Variants in ALDH1A2 observed in about 807,000 individuals in gnomAD.
ALDH1A2 encodes the protein retinal dehydrogenase 2.
A neutral mutation model predicts 60.3 loss-of-function variants in ALDH1A2; 27 were observed. That is an observed-to-expected ratio of 0.45 (90% CI 0.33 to 0.62). The LOEUF (loss-of-function observed/expected upper bound fraction) is 0.62, where lower values mean the gene tolerates loss of function less well. Among genes scored for constraint, ALDH1A2 ranks in the 20% least tolerant of loss-of-function variants. The pLI, the probability that ALDH1A2 is intolerant of heterozygous loss-of-function variation, is 0.02. For synonymous variants in ALDH1A2, 289 were observed against 232.4 expected (o/e 1.24, Z -2.21); for missense variants, 581 against 643.8 (o/e 0.90, Z 1.06).
intron 7 of ALDH1A2, among the ~76,000 whole-genome samples, chr15:57,966,144 A>T (rs4646619): frequency 2.0e-5 from 3 of 152,046 alleles, no homozygotes; most frequent in Non-Finnish European, 4.4e-5. Context: ...GGAGATTTCA[A>T]TCACTGCATT....
chr15:58,052,233 G>A (rs1451488771), intron 1 of ALDH1A2, among the ~76,000 whole-genome samples: 5 of 151,882 alleles, frequency 3.3e-5, no homozygotes, highest in South Asian at 2.1e-4. Context: ...GCAAATTTTC[G>A]GCCCTAAAAA....
chr15:58,065,624 G>C lies in ALDH1A2; in HGVS notation c.27C>G (p.Pro9=), dbSNP rs35068868. ...CGGCGGGGTCGGCCTTCACCTCGCC[G>C]GGCATCTCTATCTTGCTGGAAGTCA... The part of the protein sequence containing the change: MTSSKIEM[P]GEVKADPAAL... Residue 9 remains proline (P), a synonymous_variant, in exon 1 of 13, where the codon CCC becomes CCG. Coordinates refer to ENST00000249750, the MANE Select transcript of ALDH1A2 (RefSeq NM_003888.4). The C allele has an allele frequency of 3.1e-6, 5 of 1,606,132 alleles. No individual in the cohort carries two copies. Among genetic ancestry groups the C allele is most frequent in the East Asian group, 4.5e-5 (2 of 44,718 alleles).
chr15:58,058,000 G>C (rs1421509916), intron 1 of ALDH1A2: 2 of 1,390,334 alleles, frequency 1.4e-6, no homozygotes, highest in Non-Finnish European at 1.9e-6. Context: ...ACATAGATGA[G>C]GCAGAATTCA....
chr15:58,026,775 C>T (rs1408960665), intron 1 of ALDH1A2, among the ~76,000 whole-genome samples: 1 of 152,204 alleles, frequency 6.6e-6, no homozygotes, highest in Non-Finnish European at 1.5e-5. Context: ...GCTAGTGCAG[C>T]AGTCTGAGAT....
intron 10 of ALDH1A2, among the ~76,000 whole-genome samples, chr15:57,961,636 C>T (rs1284833740): frequency 6.6e-6 from 1 of 152,136 alleles, no homozygotes; most frequent in Non-Finnish European, 1.5e-5. Context: ...CTGATTTGCT[C>T]CTTGTCCCTC....
At chr15:57,980,378 T>C (rs1838465718) in intron 7 of ALDH1A2, 1 of 370,734 alleles carries the variant, frequency 2.7e-6, no homozygotes, top group South Asian at 2.6e-5. Flanking sequence ...CTTGATGAAG[T>C]TGGAGAGGTT....
chr15:57,977,096 GTTTT>G (rs35805904), intron 7 of ALDH1A2, among the ~76,000 whole-genome samples: 20 of 145,664 alleles, frequency 1.4e-4, no homozygotes, highest in Middle Eastern at 3.5e-3. Flanking sequence ...ACTTTTCGAT[GTTTT>G]TTTTTTTTTC....
intron 1 of ALDH1A2, among the ~76,000 whole-genome samples, chr15:58,060,693 A>G (rs1897013049): frequency 6.6e-6 from 1 of 152,168 alleles, no homozygotes; most frequent in Non-Finnish European, 1.5e-5. Flanking sequence ...CTCTGCCATT[A>G]TAGTCAGAAA....
At chr15:57,985,021 C>A (rs1894649360) in intron 7 of ALDH1A2, among the ~76,000 whole-genome samples, 1 of 152,052 alleles carries the variant, frequency 6.6e-6, no homozygotes, top group South Asian at 2.1e-4. Flanking sequence ...ATTTTGTTTG[C>A]TACTATTTTG....
At chr15:57,982,969 C>T (rs1894566030) in intron 7 of ALDH1A2, among the ~76,000 whole-genome samples, 1 of 152,092 alleles carries the variant, frequency 6.6e-6, no homozygotes, top group Non-Finnish European at 1.5e-5. Context: ...CTCAACATGT[C>T]CCATCTGGTA....
chr15:58,018,055 G>A (rs960989419), intron 1 of ALDH1A2, among the ~76,000 whole-genome samples: 4 of 152,144 alleles, frequency 2.6e-5, no homozygotes, highest in African/African-American at 9.7e-5. Flanking sequence ...TTTGAATCCT[G>A]TCCATAGCAT....
At chr15:57,988,900 G>GGCTC (rs1489073008) in intron 7 of ALDH1A2, among the ~76,000 whole-genome samples, 1 of 152,032 alleles carries the variant, frequency 6.6e-6, no homozygotes, top group East Asian at 1.9e-4. Flanking sequence ...CGGGCGCAGT[G>GGCTC]GCTCACACCT....
At position 58,007,626 on chromosome 15, in the gene ALDH1A2, T is replaced by G. The variant is rs570793209; in HGVS notation, c.493+3023A>C. 2.6e-5 allele frequency among the ~76,000 whole-genome samples: 4 copies of G among 152,208 alleles called. No homozygotes were observed. In the South Asian group the frequency reaches 8.3e-4, roughly 32 times the overall value. ...GATCACACACAGAATCACATAGATA[T>G]TGTACATAAAAGAATATTTTATACT... On this transcript the variant is annotated intron_variant, in intron 4 of 12. Coordinates refer to ENST00000249750, the MANE Select transcript of ALDH1A2 (RefSeq NM_003888.4).
intron 1 of ALDH1A2, among the ~76,000 whole-genome samples, chr15:58,060,896 G>A (rs1261837123): frequency 1.3e-5 from 2 of 152,154 alleles, no homozygotes; most frequent in Admixed American, 1.3e-4. Context: ...ATAACTCTGG[G>A]TGATGGGACT....
At chr15:57,978,222 A>G (rs2140470581) in intron 7 of ALDH1A2, among the ~76,000 whole-genome samples, 2 of 152,298 alleles carry the variant, frequency 1.3e-5, no homozygotes, top group South Asian at 2.1e-4. Flanking sequence ...AGAACTTCCA[A>G]TACTATGCTG....
Position 57,963,833 on chromosome 15 carries a change from C to T in ALDH1A2, c.1086+52G>A. 30 of 1,597,300 alleles carry T rather than the reference C, an allele frequency of 1.9e-5. No individual in the cohort carries two copies. In the South Asian group the frequency reaches 3.2e-4, roughly 17 times the overall value. On this transcript the variant is annotated intron_variant, in intron 9 of 12. Transcript: ENST00000249750. Reference sequence around the variant, plus strand: ...GGGACCTACTACAGTGTACACAGTTCTGTGCCAGTCAAGGATTAAGTAAAC... The same window carrying T: ...GGGACCTACTACAGTGTACACAGTTTTGTGCCAGTCAAGGATTAAGTAAAC...
Position 57,954,939 on chromosome 15 carries a change from C to G in ALDH1A2, c.*258G>C, listed in dbSNP as rs1043172178. ...CTCCAGAAGGAGATACTGGATGTGT[C>G]TGCTAGCTCCTCCTCCTCCCTTTAT... is the stretch of plus-strand genomic sequence containing the variant. On this transcript the variant is annotated 3_prime_UTR_variant, in exon 13 of 13. Transcript: ENST00000249750. 17 of 564,040 alleles carry G rather than the reference C, an allele frequency of 3.0e-5. No individual in the cohort carries two copies. The highest frequency in any genetic ancestry group is 5.1e-5 in the Non-Finnish European group (16 of 314,040). The allele number at this position is 564,040 out of a possible 1,614,324, so 34.9% of individuals were successfully genotyped here. A position where few individuals can be genotyped will look rare whatever the true frequency, so the allele number is the denominator to read the frequency against.
At chr15:58,065,217 C>T (rs1430282842) in intron 1 of ALDH1A2, 3 of 356,804 alleles carry the variant, frequency 8.4e-6, no homozygotes, top group African/African-American at 7.5e-5. Context: ...GTTCCGACGC[C>T]TTCCCCCGCG....
intron 1 of ALDH1A2, among the ~76,000 whole-genome samples, chr15:58,045,702 C>T (rs374461466): frequency 1.5e-4 from 23 of 152,114 alleles, no homozygotes; most frequent in African/African-American, 4.3e-4. Flanking sequence ...AATGAGAACA[C>T]GTGGACACAG....
Sources: allele counts gnomAD v4.1 joint callset (sites outside exome capture counted in the v4.1 genomes callset), GRCh38; gene constraint gnomAD v4.1.1; transcripts MANE v1.5; gene names NCBI Gene and HGNC (gene_info 2026-07-23, HGNC 2026-07-21).